Variants in CCSER1 observed in about 807,000 individuals in gnomAD.
CCSER1 encodes serine-rich coiled-coil domain-containing protein 1.
CCSER1 carries 41 observed loss-of-function variants against 82.0 expected under a neutral mutation model. The observed-to-expected ratio is 0.50, with a 90% CI of 0.39 to 0.65. The LOEUF (loss-of-function observed/expected upper bound fraction) is 0.65. Ranked by LOEUF, CCSER1 falls within the 30% of genes least tolerant of loss-of-function variation. The probability of loss-of-function intolerance (pLI) is 0.00; values close to 1 mark genes in which losing one functional copy is unlikely to be tolerated. For missense variants in CCSER1, 1,119 were observed against 1,064.2 expected, an observed-to-expected ratio of 1.05 and a Z score of -0.72; for synonymous variants, 414 against 383.9, an observed-to-expected ratio of 1.08 and a Z score of -0.92.
chr4:90,657,938 A>C (rs1413899205), intron 6 of CCSER1, among the ~76,000 whole-genome samples: 1 of 152,166 alleles, frequency 6.6e-6, no homozygotes, highest in South Asian at 2.1e-4. Context: ...CCCCATCTCT[A>C]CTAAAATTAC....
chr4:90,685,071 A>C (rs1039529612), intron 6 of CCSER1, among the ~76,000 whole-genome samples: 2 of 152,164 alleles, frequency 1.3e-5, no homozygotes, highest in African/African-American at 4.8e-5. Context: ...TCTACTATAT[A>C]GCATAGGATG....
intron 10 of CCSER1, among the ~76,000 whole-genome samples, chr4:91,153,460 T>G (rs778197007): frequency 1.3e-5 from 2 of 151,944 alleles, no homozygotes; most frequent in Non-Finnish European, 2.9e-5. Context: ...TCAGACATCT[T>G]CCTTTAGCTT....
chr4:90,557,688 T>C lies in CCSER1; in HGVS notation c.1725-70337T>C, dbSNP rs551272487. On this transcript the variant is annotated intron_variant, in intron 5 of 10. Transcript: ENST00000509176. ...CAATAGAATTTCATTTAATACAAAA[T>C]GTTTATCATTATTTCCCTTCTTGGA... Among the ~76,000 whole-genome samples the C allele has an allele frequency of 1.4e-3, 215 of 152,272 alleles. 1 individual carries two copies. The highest frequency in any genetic ancestry group is 5.6e-3 in the Admixed American group (86 of 15,290).
intron 5 of CCSER1, among the ~76,000 whole-genome samples, chr4:90,575,306 G>A (rs1780614543): frequency 6.6e-6 from 1 of 152,188 alleles, no homozygotes; most frequent in Non-Finnish European, 1.5e-5. Context: ...TCATTCCATA[G>A]TGGAAGGTGG....
intron 6 of CCSER1, among the ~76,000 whole-genome samples, chr4:90,646,894 G>A (rs546631425): frequency 2.6e-5 from 4 of 152,006 alleles, no homozygotes; most frequent in African/African-American, 9.7e-5. Context: ...CCTAAATCTC[G>A]TAAAATATTT....
chr4:90,806,483 T>A (rs1461191432), intron 7 of CCSER1, among the ~76,000 whole-genome samples: 1 of 152,194 alleles, frequency 6.6e-6, no homozygotes, highest in Non-Finnish European at 1.5e-5. Context: ...AAAATACTGT[T>A]GTTAATTGTT....
chr4:91,468,588 G>GT (rs1339520294), intron 10 of CCSER1, among the ~76,000 whole-genome samples: 1 of 151,814 alleles, frequency 6.6e-6, no homozygotes, highest in African/African-American at 2.4e-5. Flanking sequence ...CAATCACAAT[G>GT]TTATGTTTTA....
chr4:91,405,909 G>T lies in CCSER1; in HGVS notation c.2218-192663G>T, dbSNP rs562449464. Among the ~76,000 whole-genome samples, 21 of 152,204 alleles carry T rather than the reference G, an allele frequency of 1.4e-4. No homozygotes were observed. The East Asian group carries it at 2.7e-3, about 20-fold the overall frequency. On this transcript the variant is annotated intron_variant, in intron 10 of 10. Coordinates refer to ENST00000509176, the MANE Select transcript of CCSER1 (RefSeq NM_001145065.2). Reference sequence around the variant, plus strand: ...CAACAAGCCCCAGTGAGATGAACCTGGTACCTCAATTGGAAATGCAGAAAT... The same window carrying T: ...CAACAAGCCCCAGTGAGATGAACCTTGTACCTCAATTGGAAATGCAGAAAT...
chr4:90,210,591 G>A (rs1320427573), intron 1 of CCSER1, among the ~76,000 whole-genome samples: 1 of 151,918 alleles, frequency 6.6e-6, no homozygotes, highest in Admixed American at 6.6e-5. Flanking sequence ...CTACAGGCAT[G>A]TGCCACCATA....
At chr4:90,573,180 G>A (rs1780316359) in intron 5 of CCSER1, among the ~76,000 whole-genome samples, 1 of 151,670 alleles carries the variant, frequency 6.6e-6, no homozygotes, top group African/African-American at 2.4e-5. Flanking sequence ...GGTGACTGGG[G>A]CTTGCTACAG....
chr4:91,265,206 A>G (rs1296164647), intron 10 of CCSER1, among the ~76,000 whole-genome samples: 3 of 152,052 alleles, frequency 2.0e-5, no homozygotes, highest in Non-Finnish European at 4.4e-5. Flanking sequence ...ATTTGAAATC[A>G]TTCTTTGGAA....
At chr4:90,786,009 C>T (rs4410494) in intron 7 of CCSER1, among the ~76,000 whole-genome samples, 80,601 of 152,072 alleles carry the variant, frequency 0.53, 21,959 homozygotes, top group African/African-American at 0.65. Flanking sequence ...TCTCCCTATT[C>T]TCTAAAACAA....
intron 5 of CCSER1, among the ~76,000 whole-genome samples, chr4:90,601,871 C>G (rs1301813390): frequency 6.6e-6 from 1 of 151,792 alleles, no homozygotes; most frequent in Non-Finnish European, 1.5e-5. Context: ...AGGGATTTTT[C>G]TATCACTAAT....
intron 10 of CCSER1, among the ~76,000 whole-genome samples, chr4:91,263,384 C>A (rs1028503894): frequency 6.6e-6 from 1 of 152,012 alleles, no homozygotes; most frequent in Non-Finnish European, 1.5e-5. Flanking sequence ...TTTTAACATT[C>A]AAGTTTATTC....
intron 10 of CCSER1, among the ~76,000 whole-genome samples, chr4:91,332,439 A>G (rs1269518813): frequency 1.3e-5 from 2 of 151,874 alleles, no homozygotes; most frequent in African/African-American, 4.8e-5. Context: ...TAAATATAAT[A>G]ATAAATACAC....
chr4:90,889,973 A>C (rs1327937925), intron 8 of CCSER1, among the ~76,000 whole-genome samples: 1 of 152,162 alleles, frequency 6.6e-6, no homozygotes. Flanking sequence ...TAAATATTGC[A>C]GGCATAAAGA....
intron 10 of CCSER1, among the ~76,000 whole-genome samples, chr4:91,412,173 G>A (rs566768053): frequency 1.5e-3 from 230 of 152,168 alleles, no homozygotes; most frequent in Non-Finnish European, 2.6e-3. Flanking sequence ...TCTAATCATG[G>A]TCCCAACTCC....
chr4:91,194,328 A>G (rs1352342426), intron 10 of CCSER1, among the ~76,000 whole-genome samples: 1 of 152,136 alleles, frequency 6.6e-6, no homozygotes, highest in East Asian at 1.9e-4. Flanking sequence ...AACATCATGA[A>G]AGGTTTTATT....
chr4:90,459,598 T>G (rs1264352584), intron 4 of CCSER1, among the ~76,000 whole-genome samples: 3 of 152,202 alleles, frequency 2.0e-5, no homozygotes, highest in African/African-American at 7.2e-5. Context: ...GGTTTCTAGA[T>G]GGCTTCTTTC....
Sources: gnomAD v4.1 joint callset for allele counts (sites outside exome capture counted in the v4.1 genomes callset) on GRCh38, gnomAD v4.1.1 for gene constraint, MANE v1.5 for transcripts, NCBI Gene and HGNC (gene_info 2026-07-23, HGNC 2026-07-21) for gene names.